VPS8: variants seen among roughly 807,000 people sequenced by gnomAD.
VPS8 encodes the protein vacuolar protein sorting-associated protein 8 homolog.
Under a neutral mutation model 216.4 loss-of-function variants are expected in VPS8, and 129 were observed. That is an observed-to-expected ratio of 0.60 (90% CI 0.52 to 0.69). The LOEUF (loss-of-function observed/expected upper bound fraction) is 0.69, where lower values mean the gene tolerates loss of function less well. Among genes scored for constraint, VPS8 ranks in the 30% least tolerant of loss-of-function variants. The pLI is 0.00. For synonymous variants in VPS8, 571 were observed against 565.4 expected (o/e 1.01, Z -0.14); for missense variants, 1,531 against 1,683.5 (o/e 0.91, Z 1.59).
chr3:184,855,839 T>A, intron 14 of VPS8, 21 bp downstream of exon 14: 1 of 1,562,324 alleles, frequency 6.4e-7, no homozygotes, highest in South Asian at 1.2e-5. Context: ...ATATGACCAT[T>A]AGAAAGCCTC....
chr3:184,869,822 G>C (rs900433715), intron 20 of VPS8, among the ~76,000 whole-genome samples: 5 of 152,150 alleles, frequency 3.3e-5, no homozygotes, highest in Admixed American at 3.3e-4. Flanking sequence ...CTAGGAGTTT[G>C]AGGCTACAGT....
At chr3:184,978,380 C>T (rs1018936184) in intron 40 of VPS8, among the ~76,000 whole-genome samples, 2 of 151,718 alleles carry the variant, frequency 1.3e-5, no homozygotes, top group Admixed American at 6.6e-5. Context: ...TCCGTCCTCC[C>T]TCCCTCCCTC....
intron 22 of VPS8, among the ~76,000 whole-genome samples, chr3:184,888,545 C>T (rs1297275396): frequency 2.0e-5 from 3 of 152,074 alleles, no homozygotes; most frequent in Non-Finnish European, 4.4e-5. Context: ...TGTTATATGT[C>T]CTGTATTTTT....
At chr3:184,873,672 C>T (rs1728745651) in intron 21 of VPS8, among the ~76,000 whole-genome samples, 1 of 152,092 alleles carries the variant, frequency 6.6e-6, no homozygotes, top group South Asian at 2.1e-4. Context: ...ATTTTGACTC[C>T]ATTTTCATGA....
At chr3:184,848,474 T>C (rs890893332) in intron 8 of VPS8, among the ~76,000 whole-genome samples, 3 of 151,934 alleles carry the variant, frequency 2.0e-5, no homozygotes, top group African/African-American at 4.8e-5. Flanking sequence ...ACGGTTTGTT[T>C]AAGGAGATAC....
At chr3:184,869,402 A>T (rs1727938342) in intron 19 of VPS8, 80 bp from the exon 20 acceptor site, 2 of 1,427,292 alleles carry the variant, frequency 1.4e-6, no homozygotes, top group African/African-American at 2.8e-5. Flanking sequence ...CACATCTTAT[A>T]AATATGAAAC....
intron 44 of VPS8, among the ~76,000 whole-genome samples, chr3:184,998,207 C>T (rs1752878973): frequency 6.6e-6 from 1 of 152,076 alleles, no homozygotes; most frequent in Non-Finnish European, 1.5e-5. Context: ...GTTTTGAGGA[C>T]TGGGGCGGTG....
At chr3:184,942,826 T>C (rs1329976321) in intron 36 of VPS8, among the ~76,000 whole-genome samples, 3 of 152,232 alleles carry the variant, frequency 2.0e-5, no homozygotes, top group East Asian at 3.8e-4. Flanking sequence ...AGCTAATCCA[T>C]AAAAGCTTCT....
chr3:184,818,384 A>G (rs530781709), intron 1 of VPS8, among the ~76,000 whole-genome samples: 8 of 152,096 alleles, frequency 5.3e-5, no homozygotes, highest in Non-Finnish European at 1.0e-4. Flanking sequence ...TTAGCTGGGC[A>G]TGGTGGTGTG....
intron 21 of VPS8, among the ~76,000 whole-genome samples, chr3:184,873,745 C>A (rs1728758601): frequency 6.6e-6 from 1 of 151,988 alleles, no homozygotes; most frequent in Non-Finnish European, 1.5e-5. Context: ...TGAAGCCGAC[C>A]ATATGTAATG....
At chr3:184,833,149 A>C (rs920650927) in intron 4 of VPS8, among the ~76,000 whole-genome samples, 3 of 151,904 alleles carry the variant, frequency 2.0e-5, no homozygotes, top group Non-Finnish European at 4.4e-5. Flanking sequence ...TGTTCTGCCC[A>C]CCCTCCCGCA....
chr3:185,001,904 A>G (rs1463396599), intron 45 of VPS8, among the ~76,000 whole-genome samples: 4 of 152,214 alleles, frequency 2.6e-5, no homozygotes, highest in Admixed American at 2.6e-4. Flanking sequence ...ATTATACCAC[A>G]AGTACTTACA....
chr3:184,961,049 A>G (rs965785366), intron 37 of VPS8, among the ~76,000 whole-genome samples: 1 of 152,238 alleles, frequency 6.6e-6, no homozygotes, highest in Non-Finnish European at 1.5e-5. Context: ...GCATAGAAAA[A>G]GGAACATAGT....
chr3:184,908,488 C>T (rs1452797108), intron 25 of VPS8, among the ~76,000 whole-genome samples: 3 of 152,216 alleles, frequency 2.0e-5, no homozygotes, highest in Admixed American at 1.3e-4. Context: ...GACAAGGGTG[C>T]CCACGACCCT....
At chr3:184,813,161 C>G (rs933258133) in intron 1 of VPS8, among the ~76,000 whole-genome samples, 1 of 152,052 alleles carries the variant, frequency 6.6e-6, no homozygotes, top group Non-Finnish European at 1.5e-5. Flanking sequence ...CGTGGGTTAT[C>G]AGGAATAGCT....
intron 30 of VPS8, 66 bp downstream of exon 30, chr3:184,925,047 C>T: frequency 6.5e-7 from 1 of 1,532,374 alleles, no homozygotes; most frequent in Non-Finnish European, 8.8e-7. Context: ...CCCTGGATTA[C>T]ACTGTTTCCT....
chr3:185,051,754 C>G (rs1319888292), intron 47 of VPS8, 122 bp from the exon 48 acceptor site: 1 of 1,216,360 alleles, frequency 8.2e-7, no homozygotes, highest in Admixed American at 2.9e-5. Flanking sequence ...AGATTCAAAC[C>G]CTGCATGTTA....
At chr3:184,917,903 T>G (rs1258910888) in intron 28 of VPS8, among the ~76,000 whole-genome samples, 1 of 152,204 alleles carries the variant, frequency 6.6e-6, no homozygotes, top group African/African-American at 2.4e-5. Context: ...GTCTGGGAAG[T>G]CCAAGATCAA....
intron 25 of VPS8, among the ~76,000 whole-genome samples, chr3:184,905,048 G>A (rs1187895998): frequency 6.6e-6 from 1 of 152,190 alleles, no homozygotes; most frequent in Non-Finnish European, 1.5e-5. Flanking sequence ...GGGCAAGTGG[G>A]AACAAACATT....
Sources: allele counts gnomAD v4.1 joint callset (sites outside exome capture counted in the v4.1 genomes callset), GRCh38; gene constraint gnomAD v4.1.1; transcripts MANE v1.5; gene names NCBI Gene and HGNC (gene_info 2026-07-23, HGNC 2026-07-21).